The following PHACTR1 variants were observed in gnomAD, a reference collection of about 807,000 sequenced individuals.
The protein encoded by PHACTR1 is RPEL repeat containing 1.
In PHACTR1, 16 loss-of-function variants were observed where a neutral mutation model predicts 69.2. The ratio of observed to expected loss-of-function variants is 0.23; its 90% CI spans 0.16 to 0.35. The LOEUF is 0.35. Ranked by LOEUF, PHACTR1 falls within the 10% of genes least tolerant of loss-of-function variation. The probability of loss-of-function intolerance (pLI) is 1.00; values close to 1 mark genes in which losing one functional copy is unlikely to be tolerated. For missense variants in PHACTR1, 510 were observed against 734.7 expected, an observed-to-expected ratio of 0.69 and a Z score of 3.54; for synonymous variants, 312 against 284.5, an observed-to-expected ratio of 1.10 and a Z score of -0.97.
chr6:13,237,268 T>C (rs1772135516), intron 10 of PHACTR1, among the ~76,000 whole-genome samples: 5 of 152,144 alleles, frequency 3.3e-5, no homozygotes, highest in African/African-American at 1.2e-4. Flanking sequence ...TCCCAGCTGC[T>C]TGGGAGGCTA....
At chr6:13,242,612 A>G (rs1160008137) in intron 10 of PHACTR1, among the ~76,000 whole-genome samples, 1 of 152,234 alleles carries the variant, frequency 6.6e-6, no homozygotes, top group Non-Finnish European at 1.5e-5. Context: ...CCTAAGGCTA[A>G]GTTTAGTAAA....
chr6:12,993,328 A>G (rs141719149), intron 4 of PHACTR1, among the ~76,000 whole-genome samples: 78 of 152,280 alleles, frequency 5.1e-4, no homozygotes, highest in African/African-American at 1.8e-3. Flanking sequence ...TAGAGCAGAG[A>G]GAAATAATGG....
chr6:12,830,611 C>G (rs1288322938), intron 4 of PHACTR1, among the ~76,000 whole-genome samples: 1 of 151,560 alleles, frequency 6.6e-6, no homozygotes, highest in East Asian at 1.9e-4. Context: ...TTTTTTGAGA[C>G]AGAGTTTCAC....
At chr6:13,226,226 C>G (rs1458144614) in intron 8 of PHACTR1, among the ~76,000 whole-genome samples, 2 of 152,032 alleles carry the variant, frequency 1.3e-5, no homozygotes, top group African/African-American at 2.4e-5. Context: ...ATTTGTGTCA[C>G]TGAAGAGTTC....
chr6:12,932,688 C>T (rs549729846), intron 4 of PHACTR1, among the ~76,000 whole-genome samples: 11 of 152,240 alleles, frequency 7.2e-5, no homozygotes, highest in South Asian at 2.1e-4. Flanking sequence ...CTTTTAATTC[C>T]GAATGATCCC....
At chr6:12,968,416 G>A (rs1207747396) in intron 4 of PHACTR1, among the ~76,000 whole-genome samples, 5 of 151,948 alleles carry the variant, frequency 3.3e-5, no homozygotes, top group East Asian at 1.9e-4. Flanking sequence ...ATTTAGCATC[G>A]TGACTATATT....
chr6:13,217,398 C>T (rs1767848927), intron 8 of PHACTR1, among the ~76,000 whole-genome samples: 1 of 152,250 alleles, frequency 6.6e-6, no homozygotes, highest in South Asian at 2.1e-4. Flanking sequence ...TGCTAGAACA[C>T]TCACCAGCGT....
At chr6:12,841,241 G>T (rs1282885721) in intron 4 of PHACTR1, among the ~76,000 whole-genome samples, 1 of 152,204 alleles carries the variant, frequency 6.6e-6, no homozygotes, top group Non-Finnish European at 1.5e-5. Context: ...TAAGCTGTCA[G>T]ATGAAGCCCT....
chr6:12,829,773 G>A (rs1777210016), intron 4 of PHACTR1, among the ~76,000 whole-genome samples: 1 of 151,244 alleles, frequency 6.6e-6, no homozygotes, highest in African/African-American at 2.4e-5. Context: ...TGGCCAACCT[G>A]GTGAAACCCC....
chr6:12,891,081 T>A (rs1298644537), intron 4 of PHACTR1, among the ~76,000 whole-genome samples: 2 of 152,232 alleles, frequency 1.3e-5, no homozygotes, highest in Non-Finnish European at 2.9e-5. Context: ...CTAGGCTACT[T>A]CCTTTATCAT....
At chr6:13,118,148 A>C (rs1818087327) in intron 5 of PHACTR1, among the ~76,000 whole-genome samples, 1 of 152,250 alleles carries the variant, frequency 6.6e-6, no homozygotes, top group Admixed American at 6.5e-5. Context: ...ATGGATTGTA[A>C]GCTGAACGTG....
chr6:12,845,788 G>A (rs368924613), intron 4 of PHACTR1, among the ~76,000 whole-genome samples: 1 of 152,134 alleles, frequency 6.6e-6, no homozygotes, highest in African/African-American at 2.4e-5. Flanking sequence ...TTTAAAAGGT[G>A]ATTTGTCTCA....
At chr6:12,937,273 C>T (rs1789560444) in intron 4 of PHACTR1, among the ~76,000 whole-genome samples, 3 of 152,180 alleles carry the variant, frequency 2.0e-5, no homozygotes, top group Admixed American at 2.0e-4. Flanking sequence ...GCCACAACCA[C>T]ACTGCCACCA....
chr6:12,945,238 C>T (rs960229374), intron 4 of PHACTR1, among the ~76,000 whole-genome samples: 4 of 152,138 alleles, frequency 2.6e-5, no homozygotes, highest in Non-Finnish European at 5.9e-5. Context: ...CTCCAGAAAG[C>T]CCTCCCTAAT....
At chr6:12,742,881 C>T (rs376680417) in intron 3 of PHACTR1, among the ~76,000 whole-genome samples, 3 of 152,064 alleles carry the variant, frequency 2.0e-5, no homozygotes, top group African/African-American at 4.8e-5. Context: ...AATAAGTGTT[C>T]AATTTAAGAA....
At chr6:13,287,013 C>T in intron 14 of PHACTR1, 50 bp from the exon 15 acceptor site, 2 of 1,595,512 alleles carry the variant, frequency 1.3e-6, no homozygotes, top group Non-Finnish European at 8.5e-7. Context: ...CTGTTGAATC[C>T]TGCACCTTTG....
intron 6 of PHACTR1, among the ~76,000 whole-genome samples, chr6:13,165,981 A>G (rs893117066): frequency 1.3e-5 from 2 of 152,208 alleles, no homozygotes; most frequent in African/African-American, 4.8e-5. Flanking sequence ...ACAACAGCGT[A>G]AAGCCCTGCA....
At chr6:12,872,077 G>A (rs1189603165) in intron 4 of PHACTR1, among the ~76,000 whole-genome samples, 1 of 151,886 alleles carries the variant, frequency 6.6e-6, no homozygotes, top group African/African-American at 2.4e-5. Context: ...ATCTCACTCT[G>A]TTGCCCATAA....
chr6:13,124,118 G>C (rs1268789774), intron 5 of PHACTR1, among the ~76,000 whole-genome samples: 1 of 152,160 alleles, frequency 6.6e-6, no homozygotes, highest in Non-Finnish European at 1.5e-5. Context: ...AGTATGAACT[G>C]CAGAGAGCGA....
Sources: gnomAD v4.1 joint callset for allele counts (sites outside exome capture counted in the v4.1 genomes callset) on GRCh38, gnomAD v4.1.1 for gene constraint, MANE v1.5 for transcripts, NCBI Gene and HGNC (gene_info 2026-07-23, HGNC 2026-07-21) for gene names.